Variants in EYS observed in about 807,000 individuals in gnomAD.
EYS encodes EGF-like photoreceptor maintenance factor.
EYS carries 250 observed loss-of-function variants against 282.1 expected under a neutral mutation model. The observed-to-expected ratio is 0.89, with a 90% CI of 0.80 to 0.98. The LOEUF (loss-of-function observed/expected upper bound fraction) is 0.98, where lower values mean the gene tolerates loss of function less well. EYS is among the 50% of genes least tolerant of loss of function. The pLI, the probability that EYS is intolerant of heterozygous loss-of-function variation, is 0.00. For missense variants in EYS, 4,016 were observed against 3,709.0 expected (o/e 1.08, Z -2.15); for synonymous variants, 1,355 against 1,282.9 (o/e 1.06, Z -1.20).
chr6:65,144,946 T>C (rs1764440495), intron 12 of EYS, among the ~76,000 whole-genome samples: 2 of 151,882 alleles, frequency 1.3e-5, no homozygotes, highest in South Asian at 4.1e-4. Flanking sequence ...GTTTTTTGTA[T>C]TTTTAGTAGA....
At chr6:64,011,436 T>C (rs1038362499) in intron 33 of EYS, among the ~76,000 whole-genome samples, 1 of 152,326 alleles carries the variant, frequency 6.6e-6, no homozygotes, top group East Asian at 1.9e-4. Flanking sequence ...CATTTGGAAG[T>C]GCCTTCATGA....
At chr6:65,564,240 A>C (rs1769184627) in intron 2 of EYS, among the ~76,000 whole-genome samples, 1 of 152,196 alleles carries the variant, frequency 6.6e-6, no homozygotes, top group South Asian at 2.1e-4. Flanking sequence ...TTAAGTAATC[A>C]TTGACTTTCT....
At position 65,083,070 on chromosome 6, in the gene EYS, A is replaced by G. The variant is rs1432998741; in HGVS notation, c.2024-25343T>C. On this transcript the variant is annotated intron_variant, in intron 12 of 42. Transcript: ENST00000503581. ...TTTATATACTGTCCATCTTAAAAAAATCACATTGTTTAGAGTAGTTTCCCT... is the reference window on the plus strand; with the variant it reads ...TTTATATACTGTCCATCTTAAAAAAGTCACATTGTTTAGAGTAGTTTCCCT... Among the ~76,000 whole-genome samples, 4 of 152,040 alleles carry G rather than the reference A, an allele frequency of 2.6e-5. No homozygotes were observed. In the East Asian group the frequency reaches 7.7e-4, roughly 29 times the overall value.
At chr6:65,218,510 C>T (rs1766376260) in intron 12 of EYS, among the ~76,000 whole-genome samples, 1 of 151,976 alleles carries the variant, frequency 6.6e-6, no homozygotes, top group South Asian at 2.1e-4. Context: ...GACAATGTAC[C>T]AGTTGTAAGC....
chr6:64,467,613 T>G (rs1775967152), intron 26 of EYS, among the ~76,000 whole-genome samples: 1 of 152,040 alleles, frequency 6.6e-6, no homozygotes, highest in African/African-American at 2.4e-5. Context: ...CCCCACTTAT[T>G]ACCACCACTG....
intron 19 of EYS, among the ~76,000 whole-genome samples, chr6:64,879,963 T>C (rs143872597): frequency 6.6e-6 from 1 of 152,064 alleles, no homozygotes; most frequent in African/African-American, 2.4e-5. Context: ...TGGAAGCAGG[T>C]CTGCTGTGTT....
At chr6:63,794,259 C>T (rs2149673406) in intron 37 of EYS, among the ~76,000 whole-genome samples, 1 of 152,320 alleles carries the variant, frequency 6.6e-6, no homozygotes, top group African/African-American at 2.4e-5. Context: ...GTAACTCTGG[C>T]CTGACCATAA....
intron 32 of EYS, among the ~76,000 whole-genome samples, chr6:64,069,793 A>T (rs569175912): frequency 8.5e-5 from 13 of 152,250 alleles, no homozygotes; most frequent in South Asian, 4.1e-4. Context: ...TTTTGTTTAC[A>T]TGTTTCGCAT....
At chr6:64,891,270 G>A (rs1455502169) in intron 18 of EYS, among the ~76,000 whole-genome samples, 3 of 151,804 alleles carry the variant, frequency 2.0e-5, no homozygotes, top group East Asian at 1.9e-4. Context: ...CAATATGAGG[G>A]CAAATTTGTG....
chr6:64,293,489 A>G (rs1350277688), intron 30 of EYS, among the ~76,000 whole-genome samples: 3 of 152,072 alleles, frequency 2.0e-5, no homozygotes, highest in African/African-American at 7.2e-5. Context: ...ATCACAACAC[A>G]TTCCTTCAGG....
intron 26 of EYS, among the ~76,000 whole-genome samples, chr6:64,558,339 TG>T (rs1485319503): frequency 6.6e-6 from 1 of 152,094 alleles, no homozygotes; most frequent in Non-Finnish European, 1.5e-5. Flanking sequence ...CATTGTTCAT[TG>T]GCATAATTCT....
chr6:64,875,066 A>G (rs1766703890), intron 19 of EYS, among the ~76,000 whole-genome samples: 1 of 152,058 alleles, frequency 6.6e-6, no homozygotes, highest in Non-Finnish European at 1.5e-5. Flanking sequence ...AGGAAGTATC[A>G]AGGCCTGCTT....
chr6:64,409,305 T>C (rs142888675), intron 28 of EYS, among the ~76,000 whole-genome samples: 1 of 152,342 alleles, frequency 6.6e-6, no homozygotes, highest in African/African-American at 2.4e-5. Context: ...CCGTTAGGTA[T>C]ATACCCAGCA....
chr6:64,133,169 A>AT (rs527856470), intron 31 of EYS, among the ~76,000 whole-genome samples: 234 of 151,816 alleles, frequency 1.5e-3, no homozygotes, highest in African/African-American at 5.3e-3. Flanking sequence ...TCTAATTTTG[A>AT]TTTTTTTCCT....
intron 33 of EYS, among the ~76,000 whole-genome samples, chr6:64,051,552 A>G (rs1309737265): frequency 2.0e-5 from 3 of 152,184 alleles, no homozygotes; most frequent in Middle Eastern, 3.2e-3. Flanking sequence ...AGGTGATTTT[A>G]GATAAATCCC....
At chr6:65,237,399 G>T (rs552401955) in intron 12 of EYS, among the ~76,000 whole-genome samples, 15 of 152,114 alleles carry the variant, frequency 9.9e-5, no homozygotes, top group Non-Finnish European at 2.2e-4. Context: ...GTATAGGTTT[G>T]TATCATTATA....
At chr6:63,875,688 G>A (rs910102541) in intron 35 of EYS, among the ~76,000 whole-genome samples, 4 of 152,080 alleles carry the variant, frequency 2.6e-5, no homozygotes, top group Admixed American at 6.5e-5. Flanking sequence ...CTTCTTCCTG[G>A]TTTAGTCTTG....
At chr6:63,952,373 C>T (rs1765633332) in intron 35 of EYS, among the ~76,000 whole-genome samples, 1 of 152,246 alleles carries the variant, frequency 6.6e-6, no homozygotes, top group Non-Finnish European at 1.5e-5. Flanking sequence ...GCCCAATTGC[C>T]TCAGAAGCCT....
chr6:64,407,317 C>T (rs6937117), intron 28 of EYS, among the ~76,000 whole-genome samples: 88,320 of 150,642 alleles, frequency 0.59, 27,099 homozygotes, highest in Non-Finnish European at 0.68. Context: ...GGGCTGGGTG[C>T]GGGACAGCAT....
Sources: allele counts gnomAD v4.1 joint callset (sites outside exome capture counted in the v4.1 genomes callset), GRCh38; gene constraint gnomAD v4.1.1; transcripts MANE v1.5; gene names NCBI Gene and HGNC (gene_info 2026-07-23, HGNC 2026-07-21).